Variants in LRP1B observed in about 807,000 individuals in gnomAD.
LRP1B encodes the protein low-density lipoprotein receptor-related protein 1B.
Under a neutral mutation model 556.6 loss-of-function variants are expected in LRP1B, and 217 were observed. The observed-to-expected ratio is 0.39, with a 90% CI of 0.35 to 0.44. The LOEUF (loss-of-function observed/expected upper bound fraction) is 0.44. Among genes scored for constraint, LRP1B ranks in the 20% least tolerant of loss-of-function variants. The pLI is 1.00. For synonymous variants in LRP1B, 2,047 were observed against 1,865.8 expected (o/e 1.10, Z -2.50); for missense variants, 5,053 against 5,620.8 (o/e 0.90, Z 3.23).
Position 140,510,041 on chromosome 2 carries a change from G to C in LRP1B, c.8285C>G (p.Ala2762Gly), listed in dbSNP as rs753429893. The C allele has an allele frequency of 6.2e-7, 1 of 1,613,822 alleles. No homozygotes were observed. Among genetic ancestry groups the C allele is most frequent in the South Asian group, 1.1e-5 (1 of 91,058 alleles). ...GCCCTGGCAGCTGAACATGTCAGCA[G>C]CACAGGTTATGGCACCTGAAACACA... is the stretch of plus-strand genomic sequence containing the variant. ...SDSICGAITC[A>G]ADMFSCQGSR... Residue 2762 changes from alanine (A) to glycine (G), a missense_variant, in exon 52 of 91, where the codon GCT becomes GGT. Coordinates refer to ENST00000389484, the MANE Select transcript of LRP1B (RefSeq NM_018557.3).
intron 43 of LRP1B, among the ~76,000 whole-genome samples, chr2:140,558,949 A>G: frequency 6.6e-6 from 1 of 152,054 alleles, no homozygotes; most frequent in East Asian, 1.9e-4. Flanking sequence ...AAGGAAAAAA[A>G]AAAAAAACAA....
Position 141,467,098 on chromosome 2 carries a change from ATGTG to A in LRP1B, c.343+13294_343+13297del, listed in dbSNP as rs1229285404. Among the ~76,000 whole-genome samples, 40 of 12,222 alleles carry A rather than the reference ATGTG, an allele frequency of 3.3e-3. 1 individual carries two copies. Among genetic ancestry groups the A allele is most frequent in the Non-Finnish European group, 4.2e-3 (22 of 5,252 alleles). 8.0% of individuals were successfully genotyped at this position (12,222 alleles called of 152,430 possible). ...TATATACACACACACACACATATAT[ATGTG>A]TATATATATATATATATATATCTAT... is the stretch of plus-strand genomic sequence containing the variant. On this transcript the variant is annotated intron_variant, in intron 3 of 90. Coordinates refer to ENST00000389484, the MANE Select transcript of LRP1B (RefSeq NM_018557.3).
intron 14 of LRP1B, 43 bp downstream of exon 14, chr2:141,013,513 T>C: frequency 1.4e-6 from 2 of 1,446,530 alleles, no homozygotes; most frequent in Non-Finnish European, 1.9e-6. Flanking sequence ...TGAAGTATTA[T>C]TATATGTGAA....
chr2:141,927,903 C>CAAAAAAAAAAAAAAAAAAAAAAAAAAA (rs5834879), intron 1 of LRP1B, among the ~76,000 whole-genome samples: 1 of 111,184 alleles, frequency 9.0e-6, no homozygotes, highest in Non-Finnish European at 1.8e-5. Context: ...CTTGGCTTTA[C>CAAAAAAAAAAAAAAAAAAAAAAAAAAA]AAAAAAAAAA....
intron 7 of LRP1B, among the ~76,000 whole-genome samples, chr2:141,112,072 A>AAAT (rs1700770325): frequency 7.2e-5 from 1 of 13,976 alleles, no homozygotes; most frequent in Non-Finnish European, 2.5e-4. Flanking sequence ...ATAAATAAAT[A>AAAT]ATAAATAAAT....
At chr2:141,948,737 T>C (rs1394228481) in intron 1 of LRP1B, among the ~76,000 whole-genome samples, 1 of 152,074 alleles carries the variant, frequency 6.6e-6, no homozygotes, top group Non-Finnish European at 1.5e-5. Context: ...AAAATAAATA[T>C]GGTTGTCAAG....
intron 2 of LRP1B, among the ~76,000 whole-genome samples, chr2:141,657,590 T>G (rs966985828): frequency 2.0e-5 from 3 of 152,092 alleles, no homozygotes; most frequent in Non-Finnish European, 4.4e-5. Context: ...CATTTCTCTT[T>G]TTTGTAATTT....
chr2:140,238,108 CA>C, intron 89 of LRP1B, 43 bp downstream of exon 89: 1 of 1,513,174 alleles, frequency 6.6e-7, no homozygotes. Context: ...AGATGCGACT[CA>C]AGAATGTTAG....
chr2:141,212,139 T>G (rs1019316889), intron 6 of LRP1B, among the ~76,000 whole-genome samples: 5 of 152,036 alleles, frequency 3.3e-5, no homozygotes, highest in Admixed American at 1.3e-4. Context: ...AAGATGTGCT[T>G]AGAATTCTTC....
intron 43 of LRP1B, among the ~76,000 whole-genome samples, chr2:140,594,127 C>T (rs531418690): frequency 9.2e-5 from 14 of 152,084 alleles, no homozygotes; most frequent in African/African-American, 3.1e-4. Flanking sequence ...TGCCACCATG[C>T]CCGGCTAATT....
chr2:140,958,733 A>T (rs1695947024), intron 18 of LRP1B, among the ~76,000 whole-genome samples: 1 of 151,708 alleles, frequency 6.6e-6, no homozygotes, highest in Admixed American at 6.6e-5. Flanking sequence ...GTAGTGAAAC[A>T]TCAGGATCTC....
intron 32 of LRP1B, among the ~76,000 whole-genome samples, chr2:140,807,567 G>A (rs1690764021): frequency 6.8e-6 from 1 of 147,370 alleles, no homozygotes; most frequent in African/African-American, 2.5e-5. Flanking sequence ...TGGCCAGGCT[G>A]GTCTTGAACT....
At chr2:141,259,796 T>C (rs887268157) in intron 3 of LRP1B, among the ~76,000 whole-genome samples, 1 of 152,214 alleles carries the variant, frequency 6.6e-6, no homozygotes, top group Non-Finnish European at 1.5e-5. Context: ...GGGATAATAA[T>C]AGAAACTACC....
intron 1 of LRP1B, among the ~76,000 whole-genome samples, chr2:142,123,524 G>C (rs1574710951): frequency 6.6e-6 from 1 of 151,944 alleles, no homozygotes; most frequent in Admixed American, 6.6e-5. Context: ...TGGTCTGAAG[G>C]CTAAGCCAGT....
chr2:140,980,127 A>G (rs1696724349), intron 18 of LRP1B, among the ~76,000 whole-genome samples: 1 of 152,150 alleles, frequency 6.6e-6, no homozygotes, highest in Admixed American at 6.6e-5. Context: ...AGAGAAAATC[A>G]GATCAAAGAC....
chr2:141,955,582 G>A (rs1331942508), intron 1 of LRP1B, among the ~76,000 whole-genome samples: 6 of 151,952 alleles, frequency 3.9e-5, no homozygotes, highest in African/African-American at 1.2e-4. Flanking sequence ...TTCACCAGGG[G>A]GCTTCCTTGT....
At chr2:141,611,592 T>C (rs2105322879) in intron 2 of LRP1B, among the ~76,000 whole-genome samples, 2 of 152,302 alleles carry the variant, frequency 1.3e-5, no homozygotes, top group Admixed American at 1.3e-4. Flanking sequence ...AGAGTTGTGC[T>C]TCAGGCAAGG....
At chr2:141,968,780 A>G (rs1701637390) in intron 1 of LRP1B, among the ~76,000 whole-genome samples, 1 of 151,702 alleles carries the variant, frequency 6.6e-6, no homozygotes, top group Admixed American at 6.6e-5. Context: ...GTGGTGTGCT[A>G]CACAAGTTCA....
intron 13 of LRP1B, 32 bp from the exon 14 acceptor site, chr2:141,013,777 G>C (rs2105386079): frequency 7.5e-7 from 1 of 1,329,488 alleles, no homozygotes; most frequent in Non-Finnish European, 1.0e-6. Flanking sequence ...TGAAAAATCA[G>C]AACTGACCTT....
Sources: gnomAD v4.1 joint callset for allele counts (sites outside exome capture counted in the v4.1 genomes callset) on GRCh38, gnomAD v4.1.1 for gene constraint, MANE v1.5 for transcripts, NCBI Gene and HGNC (gene_info 2026-07-23, HGNC 2026-07-21) for gene names.